The following FARP2 variants were observed in gnomAD, a reference collection of about 807,000 sequenced individuals.
FARP2 encodes FERM, ARHGEF and pleckstrin domain-containing protein 2.
In FARP2, 111 loss-of-function variants were observed where a neutral mutation model predicts 130.5. The ratio of observed to expected loss-of-function variants is 0.85; its 90% confidence interval spans 0.73 to 1.00. FARP2 has a LOEUF of 1.00. Among genes scored for constraint, FARP2 ranks in the 50% least tolerant of loss-of-function variants. The pLI is 0.00. For synonymous variants in FARP2, 504 were observed against 516.9 expected, an observed-to-expected ratio of 0.98 and a Z score of 0.34; for missense variants, 1,385 against 1,346.3, an observed-to-expected ratio of 1.03 and a Z score of -0.45.
chr2:241,412,875 A>C (rs1252417779), intron 6 of FARP2, among the ~76,000 whole-genome samples: 2 of 152,198 alleles, frequency 1.3e-5, no homozygotes, highest in African/African-American at 4.8e-5. Flanking sequence ...AAAAAATACA[A>C]AAATTAGCTG....
chr2:241,458,210 C>T (rs1045341448), intron 14 of FARP2, among the ~76,000 whole-genome samples: 1 of 152,102 alleles, frequency 6.6e-6, no homozygotes, highest in African/African-American at 2.4e-5. Context: ...TATATTGGGC[C>T]TGGAGTCCAC....
intron 13 of FARP2, among the ~76,000 whole-genome samples, chr2:241,455,616 A>G (rs540452958): frequency 3.7e-4 from 56 of 151,752 alleles, no homozygotes; most frequent in Admixed American, 1.3e-3. Context: ...TCCTGACGTC[A>G]GGTGGTCCAC....
Position 241,494,191 on chromosome 2 carries a change from C to A in FARP2, c.*66C>A. 1.0e-6 allele frequency: 1 copy of A among 977,940 alleles called. No individual in the cohort carries two copies. Among genetic ancestry groups the A allele is most frequent in the Non-Finnish European group, 1.5e-6 (1 of 686,766 alleles). 60.6% of individuals were successfully genotyped at this position (977,940 alleles called of 1,614,324 possible). On this transcript the variant is annotated 3_prime_UTR_variant, in exon 27 of 27. Coordinates refer to ENST00000264042, the MANE Select transcript of FARP2 (RefSeq NM_014808.4). The surrounding 1 kb of genome is among the most constrained non-coding windows in gnomAD (Gnocchi z 4.9). ...GCAGGACACAGAGGTGACCTCTGTCCTGAGGCTTCTCAACAGATGGGAAGT... is the reference window on the plus strand; with the variant it reads ...GCAGGACACAGAGGTGACCTCTGTCATGAGGCTTCTCAACAGATGGGAAGT...
chr2:241,470,926 G>A (rs2064288777), intron 18 of FARP2, among the ~76,000 whole-genome samples: 1 of 151,990 alleles, frequency 6.6e-6, no homozygotes, highest in South Asian at 2.1e-4. Flanking sequence ...TTCAGAGGGG[G>A]ACCCTGTTCT....
At chr2:241,430,943 C>T (rs990774910) in intron 8 of FARP2, among the ~76,000 whole-genome samples, 8 of 150,612 alleles carry the variant, frequency 5.3e-5, no homozygotes, top group Non-Finnish European at 8.8e-5. Flanking sequence ...GAGGTTACAG[C>T]GAATGGAGAT....
At chr2:241,438,279 G>A (rs1356654708) in intron 12 of FARP2, among the ~76,000 whole-genome samples, 1 of 152,086 alleles carries the variant, frequency 6.6e-6, no homozygotes, top group Non-Finnish European at 1.5e-5. Flanking sequence ...TGTGAACTGG[G>A]CACAATGGCT....
intron 2 of FARP2, among the ~76,000 whole-genome samples, chr2:241,391,114 CTT>C (rs1446104561): frequency 2.0e-5 from 3 of 152,272 alleles, no homozygotes; most frequent in South Asian, 2.1e-4. Flanking sequence ...TGCTGGAACT[CTT>C]TTGGTTGATG....
At chr2:241,358,372 A>C (rs558941071) in intron 1 of FARP2, among the ~76,000 whole-genome samples, 1 of 152,228 alleles carries the variant, frequency 6.6e-6, no homozygotes, top group African/African-American at 2.4e-5. Context: ...TAATTAAGCA[A>C]ATTTATCCTG....
chr2:241,441,524 C>T lies in FARP2; in HGVS notation c.1379C>T (p.Pro460Leu). The change falls in exon 13 of 27, where the codon CCC becomes CTC. Residue 460 changes from proline to leucine, a missense_variant. Transcript: ENST00000264042. The stretch of plus-strand genomic sequence containing the variant: ...GGCCCCGACACACCATCGGCCCAGC[C>T]CCTCGGGCCCCCCGCACTCCAGCCT... ...AGGPDTPSAQ[P>L]LGPPALQPGP... 1 of 1,614,112 alleles carries T rather than the reference C, an allele frequency of 6.2e-7. No homozygotes were observed.
intron 14 of FARP2, among the ~76,000 whole-genome samples, chr2:241,457,955 G>A (rs1240516697): frequency 1.3e-5 from 2 of 152,192 alleles, no homozygotes; most frequent in Non-Finnish European, 2.9e-5. Flanking sequence ...CAAAGTTGAG[G>A]CAGTGTCCCC....
At chr2:241,374,753 C>A (rs906660970) in intron 2 of FARP2, among the ~76,000 whole-genome samples, 3 of 152,190 alleles carry the variant, frequency 2.0e-5, no homozygotes, top group African/African-American at 7.2e-5. Context: ...AAGATAATTT[C>A]ATCAGGGCCA....
At chr2:241,490,130 C>T in intron 22 of FARP2, 86 bp downstream of exon 22, 1 of 930,376 alleles carries the variant, frequency 1.1e-6, no homozygotes, top group Non-Finnish European at 1.8e-6. Context: ...GTCCTCTGAG[C>T]TGTGAGGAGC....
At chr2:241,455,804 A>C (rs991478594) in intron 13 of FARP2, among the ~76,000 whole-genome samples, 4 of 124,470 alleles carry the variant, frequency 3.2e-5, no homozygotes, top group Non-Finnish European at 6.3e-5. Context: ...CAGTGGTGCG[A>C]TCTCGGCTCA....
At chr2:241,463,596 C>A (rs531848051) in intron 16 of FARP2, 128 bp downstream of exon 16, 2 of 1,073,058 alleles carry the variant, frequency 1.9e-6, no homozygotes, top group Non-Finnish European at 2.7e-6. Flanking sequence ...TTTTTAGGAG[C>A]CTGTGGGGAG....
At chr2:241,465,380 C>A in intron 17 of FARP2, 2 of 1,090,896 alleles carry the variant, frequency 1.8e-6, no homozygotes, top group South Asian at 1.3e-5. Context: ...AGGGCAGAGT[C>A]CCCATAGCTG....
intron 13 of FARP2, among the ~76,000 whole-genome samples, chr2:241,452,406 A>T (rs1393248037): frequency 6.6e-6 from 1 of 152,188 alleles, no homozygotes; most frequent in Non-Finnish European, 1.5e-5. Flanking sequence ...TTAAAAATAA[A>T]AAAAAAAAGT....
intron 18 of FARP2, among the ~76,000 whole-genome samples, chr2:241,473,492 A>G (rs1397846083): frequency 6.6e-6 from 1 of 152,176 alleles, no homozygotes; most frequent in Non-Finnish European, 1.5e-5. Context: ...CAGGTGATGT[A>G]TAGGATCATT....
intron 3 of FARP2, among the ~76,000 whole-genome samples, chr2:241,404,239 C>T (rs2062271536): frequency 6.6e-6 from 1 of 152,146 alleles, no homozygotes; most frequent in African/African-American, 2.4e-5. Context: ...AGTTATGCCT[C>T]ATTTTACTTA....
At chr2:241,370,542 C>G (rs567458924) in intron 1 of FARP2, among the ~76,000 whole-genome samples, 11 of 151,810 alleles carry the variant, frequency 7.2e-5, no homozygotes, top group African/African-American at 2.4e-4. Context: ...CAATTTCTGT[C>G]AATTAAAAAA....
Sources: gnomAD v4.1 joint callset for allele counts (sites outside exome capture counted in the v4.1 genomes callset) on GRCh38, gnomAD v4.1.1 for gene constraint, Gnocchi (gnomAD v3.1) non-coding constraint, MANE v1.5 for transcripts, NCBI Gene and HGNC (gene_info 2026-07-23, HGNC 2026-07-21) for gene names.